ATXN2: variants seen among roughly 807,000 people sequenced by gnomAD.
ATXN2 encodes the protein ataxin-2.
ATXN2 carries 37 observed loss-of-function variants against 138.6 expected under a neutral mutation model. That is an observed-to-expected ratio of 0.27 (90% CI 0.21 to 0.35). The LOEUF is 0.35. ATXN2 is among the 10% of genes least tolerant of loss of function. The probability of loss-of-function intolerance (pLI) is 1.00; values close to 1 mark genes in which losing one functional copy is unlikely to be tolerated. For missense variants in ATXN2, 1,216 were observed against 1,480.3 expected (o/e 0.82, Z 2.93); for synonymous variants, 549 against 543.7 (o/e 1.01, Z -0.13).
intron 20 of ATXN2, chr12:111,468,651 A>G (rs1876192030): frequency 6.6e-6 from 1 of 151,618 alleles, no homozygotes. Flanking sequence ...TGGTATGAAA[A>G]GTAGTAATGT....
At chr12:111,521,001 A>T in intron 6 of ATXN2, 28 bp from the exon 7 acceptor site, 1 of 1,416,790 alleles carries the variant, frequency 7.1e-7, no homozygotes, top group Non-Finnish European at 9.8e-7. Context: ...TTGTTTTTCA[A>T]AATGTCAAAG....
intron 18 of ATXN2, among the ~76,000 whole-genome samples, chr12:111,472,530 GA>G (rs908595078): frequency 6.6e-6 from 1 of 151,936 alleles, no homozygotes; most frequent in Non-Finnish European, 1.5e-5. Context: ...GGCATACACT[GA>G]AAAAAATGTA....
At chr12:111,583,779 A>AC (rs1430628350) in intron 1 of ATXN2, among the ~76,000 whole-genome samples, 1 of 150,944 alleles carries the variant, frequency 6.6e-6, no homozygotes, top group Non-Finnish European at 1.5e-5. Context: ...AAAAAAAAAA[A>AC]AAAAAAAAAA....
chr12:111,495,039 C>G (rs1441960711), intron 14 of ATXN2, among the ~76,000 whole-genome samples: 3 of 152,086 alleles, frequency 2.0e-5, no homozygotes, highest in African/African-American at 7.2e-5. Flanking sequence ...GGTGCGGTGG[C>G]TCACGCCTGT....
At chr12:111,455,955 A>G in intron 23 of ATXN2, 74 bp downstream of exon 23, 1 of 1,392,000 alleles carries the variant, frequency 7.2e-7, no homozygotes, top group Non-Finnish European at 1.0e-6. Context: ...TAGCTGGGAG[A>G]GCCTCTAGCT....
chr12:111,470,393 C>A (rs1045211461), intron 19 of ATXN2, among the ~76,000 whole-genome samples, 153 bp from the exon 20 acceptor site: 1 of 152,194 alleles, frequency 6.6e-6, no homozygotes, highest in African/African-American at 2.4e-5. Flanking sequence ...GAACCTCTTA[C>A]AATCATCAGT....
At chr12:111,464,123 G>T (rs1420291476) in intron 21 of ATXN2, among the ~76,000 whole-genome samples, 3 of 151,946 alleles carry the variant, frequency 2.0e-5, no homozygotes, top group Admixed American at 6.6e-5. Context: ...CCATGCACAG[G>T]ACTGAAAAGT....
At chr12:111,584,396 A>T (rs1206752180) in intron 1 of ATXN2, among the ~76,000 whole-genome samples, 1 of 147,068 alleles carries the variant, frequency 6.8e-6, no homozygotes, top group Non-Finnish European at 1.5e-5. Flanking sequence ...AAAAAAAAAA[A>T]AAAAAAAAAA....
chr12:111,494,054 C>T (rs1878240574), intron 14 of ATXN2, among the ~76,000 whole-genome samples: 3 of 151,424 alleles, frequency 2.0e-5, no homozygotes, highest in Admixed American at 1.3e-4. Context: ...CCTCAGCCTC[C>T]GAGTAGCTGG....
intron 1 of ATXN2, among the ~76,000 whole-genome samples, chr12:111,563,307 A>G (rs1206571389): frequency 2.0e-5 from 3 of 152,136 alleles, no homozygotes; most frequent in Non-Finnish European, 4.4e-5. Context: ...ATATGTGTGT[A>G]TATATATGTG....
chr12:111,504,440 G>A (rs1192243120), intron 14 of ATXN2, among the ~76,000 whole-genome samples: 6 of 152,046 alleles, frequency 3.9e-5, no homozygotes, highest in Non-Finnish European at 5.9e-5. Flanking sequence ...ACAGGTGTGC[G>A]CCACCACACC....
At chr12:111,554,102 G>A in intron 3 of ATXN2, 56 bp downstream of exon 3, 1 of 1,145,120 alleles carries the variant, frequency 8.7e-7, no homozygotes. Flanking sequence ...TTAACTTCAT[G>A]GAATTACTTT....
At chr12:111,513,202 C>A (rs931280179) in intron 11 of ATXN2, 155 bp downstream of exon 11, 27 of 799,608 alleles carry the variant, frequency 3.4e-5, no homozygotes, top group Middle Eastern at 7.5e-4. Flanking sequence ...GTGGTAGAGC[C>A]CAGAATAAAA....
At chr12:111,566,864 C>T (rs1040830137) in intron 1 of ATXN2, among the ~76,000 whole-genome samples, 1 of 152,094 alleles carries the variant, frequency 6.6e-6, no homozygotes, top group Non-Finnish European at 1.5e-5. Context: ...TCTTGAACTC[C>T]TGACTTCAGG....
intron 5 of ATXN2, among the ~76,000 whole-genome samples, chr12:111,543,261 C>CTAGTAACAAACG (rs1881626457): frequency 6.6e-6 from 1 of 152,088 alleles, no homozygotes; most frequent in African/African-American, 2.4e-5. Context: ...CAGAAGAGAT[C>CTAGTAACAAACG]CCTGTTTGTT....
chr12:111,586,046 A>G (rs1388744822), intron 1 of ATXN2, among the ~76,000 whole-genome samples: 4 of 150,988 alleles, frequency 2.6e-5, no homozygotes, highest in Admixed American at 6.6e-5. Flanking sequence ...ACAGAAGTGC[A>G]CGACCATGAC....
chr12:111,566,522 T>C (rs1043872338), intron 1 of ATXN2, among the ~76,000 whole-genome samples: 1 of 151,808 alleles, frequency 6.6e-6, no homozygotes, highest in Non-Finnish European at 1.5e-5. Flanking sequence ...GCAAAATAAA[T>C]TGAAAACTTT....
At chr12:111,531,983 A>G (rs570422510) in intron 5 of ATXN2, among the ~76,000 whole-genome samples, 1 of 152,246 alleles carries the variant, frequency 6.6e-6, no homozygotes, top group Non-Finnish European at 1.5e-5. Context: ...CATGTTCTTA[A>G]TTAAAGCATT....
chr12:111,525,410 C>T (rs1223503110), intron 5 of ATXN2, 94 bp from the exon 6 acceptor site: 1 of 1,270,624 alleles, frequency 7.9e-7, no homozygotes, highest in East Asian at 2.6e-5. Flanking sequence ...TGTTAAAAAA[C>T]AATTACGAAA....
Sources: gnomAD v4.1 joint callset for allele counts (sites outside exome capture counted in the v4.1 genomes callset) on GRCh38, gnomAD v4.1.1 for gene constraint, MANE v1.5 for transcripts, NCBI Gene and HGNC (gene_info 2026-07-23, HGNC 2026-07-21) for gene names.